Variants in BLTP1 observed in about 807,000 individuals in gnomAD.
BLTP1 encodes the protein fragile site-associated protein.
At chr4:122,257,312 C>T in the BLTP1 span, 1 of 1,613,884 alleles carries the variant, frequency 6.2e-7, no homozygotes, top group Non-Finnish European at 8.5e-7. Flanking sequence ...ACTGGCAAGG[C>T]AGTGGATGAA....
the BLTP1 span, chr4:122,350,519 C>T: frequency 3.3e-6 from 1 of 306,862 alleles, no homozygotes. Context: ...GACAGAATCA[C>T]TACCCTCATG....
the BLTP1 span, chr4:122,207,504 AC>A: frequency 6.7e-7 from 1 of 1,502,506 alleles, no homozygotes; most frequent in Non-Finnish European, 8.8e-7. Flanking sequence ...AAGTAAATTT[AC>A]TTTTTCTTCT....
At chr4:122,261,817 TTG>T in the BLTP1 span, 1 of 984,748 alleles carries the variant, frequency 1.0e-6, no homozygotes, top group Non-Finnish European at 1.2e-6. Flanking sequence ...GTTTAATACG[TTG>T]TGAGTGTTCT....
At chr4:122,240,191 T>C in the BLTP1 span, 4 of 1,614,130 alleles carry the variant, frequency 2.5e-6, no homozygotes, top group South Asian at 1.1e-5. Context: ...TGAATTGTTA[T>C]CAGACTTACC....
chr4:122,268,095 A>G, the BLTP1 span, among the ~76,000 whole-genome samples: 8 of 152,210 alleles, frequency 5.3e-5, no homozygotes, highest in Non-Finnish European at 8.8e-5. Flanking sequence ...GGCAATTTTA[A>G]TAATCGGTGA....
chr4:122,167,139 A>G, the BLTP1 span, among the ~76,000 whole-genome samples: 5 of 152,218 alleles, frequency 3.3e-5, no homozygotes, highest in Non-Finnish European at 5.9e-5. Context: ...AGGACCTGTT[A>G]GTGAACATAT....
the BLTP1 span, chr4:122,351,241 C>T: frequency 2.2e-4 from 203 of 905,146 alleles, 1 homozygote; most frequent in African/African-American, 3.4e-3. Context: ...AATACGTATA[C>T]ATTGAAAAAA....
the BLTP1 span, chr4:122,247,499 G>A: frequency 9.4e-7 from 1 of 1,067,030 alleles, no homozygotes; most frequent in Admixed American, 2.6e-5. Flanking sequence ...TCCCTATATT[G>A]AACACGTGGT....
the BLTP1 span, chr4:122,352,796 C>T: frequency 7.3e-7 from 1 of 1,368,244 alleles, no homozygotes; most frequent in Non-Finnish European, 1.0e-6. Context: ...ACACTGTTTT[C>T]ATCCCTCACC....
the BLTP1 span, among the ~76,000 whole-genome samples, chr4:122,155,508 G>A: frequency 3.3e-5 from 5 of 152,016 alleles, no homozygotes; most frequent in African/African-American, 7.2e-5. Flanking sequence ...ATTTTTGGTA[G>A]AGACAGAGTT....
At chr4:122,216,366 G>C in the BLTP1 span, among the ~76,000 whole-genome samples, 1 of 152,072 alleles carries the variant, frequency 6.6e-6, no homozygotes, top group Non-Finnish European at 1.5e-5. Context: ...GGTTGTACTA[G>C]TTTACATTCC....
chr4:122,246,510 C>G, the BLTP1 span: 1 of 601,776 alleles, frequency 1.7e-6, no homozygotes, highest in Non-Finnish European at 2.1e-6. Flanking sequence ...CACATCCATC[C>G]AGTAAAAATT....
chr4:122,170,033 G>A, the BLTP1 span: 1,098 of 979,466 alleles, frequency 1.1e-3, 10 homozygotes, highest in African/African-American at 0.013. Flanking sequence ...CACGCTGGGC[G>A]CGGTGGCTCA....
the BLTP1 span, among the ~76,000 whole-genome samples, chr4:122,228,105 G>T: frequency 6.6e-6 from 1 of 151,934 alleles, no homozygotes; most frequent in African/African-American, 2.4e-5. Flanking sequence ...AGTAGAGATA[G>T]GGTTTCACTG....
At chr4:122,341,340 C>T in the BLTP1 span, among the ~76,000 whole-genome samples, 1 of 152,086 alleles carries the variant, frequency 6.6e-6, no homozygotes, top group Non-Finnish European at 1.5e-5. Flanking sequence ...TAATTTTAAT[C>T]ATTGTCAATG....
the BLTP1 span, chr4:122,246,022 G>T: frequency 9.9e-7 from 1 of 1,010,696 alleles, no homozygotes; most frequent in East Asian, 3.2e-5. Flanking sequence ...TTTAAGGTGG[G>T]ATATAAAACT....
At chr4:122,328,356 T>A in the BLTP1 span, 18 of 1,605,282 alleles carry the variant, frequency 1.1e-5, no homozygotes, top group Admixed American at 3.0e-4. Flanking sequence ...CAGGAAACCC[T>A]CGTGAGTAAC....
the BLTP1 span, chr4:122,250,641 A>G: frequency 5.5e-6 from 8 of 1,460,014 alleles, no homozygotes; most frequent in Non-Finnish European, 7.6e-6. Flanking sequence ...TACATATGCA[A>G]TTCAAAATTA....
chr4:122,317,097 C>T, the BLTP1 span, among the ~76,000 whole-genome samples: 2 of 151,954 alleles, frequency 1.3e-5, no homozygotes, highest in Non-Finnish European at 1.5e-5. Flanking sequence ...TTTGGGAGGC[C>T]GAGGCAGGTG....
Sources: allele counts gnomAD v4.1 joint callset (sites outside exome capture counted in the v4.1 genomes callset), GRCh38; gene constraint gnomAD v4.1.1; transcripts MANE v1.5; gene names NCBI Gene and HGNC (gene_info 2026-07-23, HGNC 2026-07-21).